SRC: variants seen among roughly 807,000 people sequenced by gnomAD.
SRC encodes the protein proto-oncogene tyrosine-protein kinase Src.
A neutral mutation model predicts 62.9 loss-of-function variants in SRC; 13 were observed. The observed-to-expected ratio is 0.21, with a 90% CI of 0.13 to 0.33. The LOEUF is 0.33. Ranked by LOEUF, SRC falls within the 10% of genes least tolerant of loss-of-function variation. The pLI, the probability that SRC is intolerant of heterozygous loss-of-function variation, is 1.00. For missense variants in SRC, 457 were observed against 737.3 expected, an observed-to-expected ratio of 0.62 and a Z score of 4.40; for synonymous variants, 302 against 317.5, an observed-to-expected ratio of 0.95 and a Z score of 0.52.
Position 37,384,163 on chromosome 20 carries a change from A to C in SRC, c.10A>C (p.Asn4His), listed in dbSNP as rs1320051629. 1 of 1,600,736 alleles carries C rather than the reference A, an allele frequency of 6.2e-7. No individual in the cohort carries two copies. Among genetic ancestry groups the C allele is most frequent in the Non-Finnish European group, 8.5e-7 (1 of 1,176,830 alleles). MGS[N>H]KSKPKDASQR... ...CTCTCCTGCCAGGACCATGGGTAGCAACAAGAGCAAGCCCAAGGATGCCAG... is the reference window on the plus strand; with the variant it reads ...CTCTCCTGCCAGGACCATGGGTAGCCACAAGAGCAAGCCCAAGGATGCCAG... The change falls in exon 4 of 14, where the codon AAC becomes CAC. Residue 4 changes from asparagine to histidine, a missense_variant. By Grantham distance (68) the Asn-to-His change is moderately conservative (BLOSUM62 1). Transcript: ENST00000373578. This position sits in a 1 kb window ranked among gnomAD's most constrained non-coding sequence, Gnocchi z 6.7.
intron 2 of SRC, among the ~76,000 whole-genome samples, chr20:37,373,449 A>G (rs2070228403): frequency 1.1e-5 from 1 of 94,912 alleles, no homozygotes; most frequent in Non-Finnish European, 1.9e-5. Context: ...ATATATACGC[A>G]TATATGCATA....
chr20:37,388,746 CA>C (rs576000442), intron 5 of SRC, among the ~76,000 whole-genome samples: 3 of 131,004 alleles, frequency 2.3e-5, no homozygotes, highest in Admixed American at 8.7e-5. Context: ...GACTCTGTCT[CA>C]AAAAAAAGAA....
intron 1 of SRC, among the ~76,000 whole-genome samples, chr20:37,356,941 G>C (rs894505135): frequency 3.9e-5 from 6 of 152,124 alleles, no homozygotes; most frequent in Admixed American, 2.6e-4. Flanking sequence ...CAAAAATGGG[G>C]GTCACACTAG....
At chr20:37,378,056 TA>T (rs2070303369) in intron 2 of SRC, among the ~76,000 whole-genome samples, 2 of 151,384 alleles carry the variant, frequency 1.3e-5, no homozygotes, top group Non-Finnish European at 2.9e-5. Flanking sequence ...TAGTTTTTTT[TA>T]AAATTATTAT....
At chr20:37,345,094 T>C (rs183346336), upstream of SRC, among the ~76,000 whole-genome samples, 175 of 152,284 alleles carry the variant, frequency 1.1e-3, 1 homozygote, top group African/African-American at 4.0e-3. Flanking sequence ...GCCCAGGGAA[T>C]AGAAGCCTGA....
rs991923273 is a variant in SRC at position 37,405,064 on chromosome 20, C to T, written c.*1685C>T. ...AGGCCCTGCCAGTGGGGAAGGAGGC[C>T]AAGCAGTGCCTGCCTATGAAATTTC... is the stretch of plus-strand genomic sequence containing the variant. On this transcript the variant is annotated 3_prime_UTR_variant, in exon 14 of 14. Coordinates refer to ENST00000373578, the MANE Select transcript of SRC (RefSeq NM_198291.3). 1 of 233,496 alleles carries T rather than the reference C, an allele frequency of 4.3e-6. No individual in the cohort carries two copies. The highest frequency in any genetic ancestry group is 2.2e-5 in the African/African-American group (1 of 45,398). The allele number at this position is 233,496 out of a possible 1,614,324, so 14.5% of individuals were successfully genotyped here.
Position 37,403,745 on chromosome 20 carries a change from C to T in SRC, c.*366C>T, listed in dbSNP as rs1270972794. ...GCCTACTCCGCTCACTGAACTCCTT[C>T]CCCACTTCTGTGCCACCCCCGGTCT... On this transcript the variant is annotated 3_prime_UTR_variant, in exon 14 of 14. Coordinates refer to ENST00000373578, the MANE Select transcript of SRC (RefSeq NM_198291.3). This position sits in a 1 kb window ranked among gnomAD's most constrained non-coding sequence, Gnocchi z 7.1. The T allele has an allele frequency of 6.2e-6, 2 of 320,276 alleles. No homozygotes were observed. Among genetic ancestry groups the T allele is most frequent in the Non-Finnish European group, 1.2e-5 (2 of 170,138 alleles). 19.8% of individuals were successfully genotyped at this position (320,276 alleles called of 1,614,324 possible).
At chr20:37,358,144 C>A (rs2052398654) in intron 1 of SRC, among the ~76,000 whole-genome samples, 1 of 152,318 alleles carries the variant, frequency 6.6e-6, no homozygotes, top group East Asian at 1.9e-4. Flanking sequence ...CAGTAACGGT[C>A]CCTACCCCAC....
At chr20:37,370,380 G>A (rs1463591123) in intron 2 of SRC, among the ~76,000 whole-genome samples, 1 of 152,188 alleles carries the variant, frequency 6.6e-6, no homozygotes, top group African/African-American at 2.4e-5. Flanking sequence ...TTCGAAACCA[G>A]CCTGGCCAAC....
intron 5 of SRC, among the ~76,000 whole-genome samples, chr20:37,389,647 C>T (rs913088123): frequency 6.6e-6 from 1 of 152,264 alleles, no homozygotes; most frequent in East Asian, 1.9e-4. Context: ...CCCAAGGGAG[C>T]GAATGTCAGT....
At chr20:37,364,521 G>A (rs540270946) in intron 1 of SRC, among the ~76,000 whole-genome samples, 8 of 152,126 alleles carry the variant, frequency 5.3e-5, no homozygotes, top group Non-Finnish European at 8.8e-5. Flanking sequence ...GACCCCTCTG[G>A]ACTTTCTCTT....
At chr20:37,352,078 A>T (rs917786806) in intron 1 of SRC, among the ~76,000 whole-genome samples, 9 of 152,204 alleles carry the variant, frequency 5.9e-5, no homozygotes, top group Admixed American at 5.9e-4. Flanking sequence ...CTTTGAAGCC[A>T]GTTGGTTCTG....
rs1481841703 is a variant in SRC at position 37,399,727 on chromosome 20, G to A, written c.860-388G>A. Among the ~76,000 whole-genome samples the A allele has an allele frequency of 3.3e-5, 5 of 152,078 alleles. No individual in the cohort carries two copies. In the East Asian group the frequency reaches 7.7e-4, roughly 23 times the overall value. On this transcript the variant is annotated intron_variant, in intron 9 of 13. Transcript: ENST00000373578. Reference sequence around the variant, plus strand: ...CACCTAGCTAATTTTTGTATTTTTAGTGGAGACAGGGTTTCACCATGTTGG... The same window carrying A: ...CACCTAGCTAATTTTTGTATTTTTAATGGAGACAGGGTTTCACCATGTTGG...
At position 37,397,403 on chromosome 20, in the gene SRC, C is replaced by T. The variant is rs1038169063; in HGVS notation, c.704-296C>T. On this transcript the variant is annotated intron_variant, in intron 8 of 13. Coordinates refer to ENST00000373578, the MANE Select transcript of SRC (RefSeq NM_198291.3). The surrounding 1 kb of genome is among the most constrained non-coding windows in gnomAD (Gnocchi z 4.1). ...TAGGGAAGTGGGGCTCCTCCCTGGACTCTGAGTTCCTGAGGGCAGGTTCCC... is the reference window on the plus strand; with the variant it reads ...TAGGGAAGTGGGGCTCCTCCCTGGATTCTGAGTTCCTGAGGGCAGGTTCCC... Among the ~76,000 whole-genome samples, 3 of 152,322 alleles carry T rather than the reference C, an allele frequency of 2.0e-5. No homozygotes were observed. Among genetic ancestry groups the T allele is most frequent in the African/African-American group, 7.2e-5 (3 of 41,570 alleles).
chr20:37,388,728 C>A (rs749158179), intron 5 of SRC, among the ~76,000 whole-genome samples: 6 of 149,750 alleles, frequency 4.0e-5, no homozygotes, highest in Non-Finnish European at 5.9e-5. Flanking sequence ...GCCTGGGTGA[C>A]AGAGCAAGAC....
chr20:37,346,740 C>T (rs573596388), intron 1 of SRC, among the ~76,000 whole-genome samples: 1 of 152,316 alleles, frequency 6.6e-6, no homozygotes, highest in South Asian at 2.1e-4. Flanking sequence ...ACTGCCAGGA[C>T]CTCCCTGCCC....
intron 1 of SRC, among the ~76,000 whole-genome samples, chr20:37,360,749 T>C (rs961608151): frequency 4.6e-5 from 7 of 152,340 alleles, no homozygotes; most frequent in Non-Finnish European, 1.0e-4. Flanking sequence ...CTCTTTTGAC[T>C]GATAGCAAAC....
chr20:37,373,146 A>G (rs938645294), intron 2 of SRC, among the ~76,000 whole-genome samples: 3 of 133,372 alleles, frequency 2.2e-5, no homozygotes, highest in African/African-American at 1.0e-4. Context: ...ACATATGTAC[A>G]TATACACACA....
At chr20:37,348,926 GT>G (rs1331243382) in intron 1 of SRC, among the ~76,000 whole-genome samples, 14 of 152,322 alleles carry the variant, frequency 9.2e-5, no homozygotes, top group African/African-American at 3.4e-4. Flanking sequence ...GTGCCAAGAC[GT>G]GCTGTCATGG....
Sources: allele counts gnomAD v4.1 joint callset (sites outside exome capture counted in the v4.1 genomes callset), GRCh38; gene constraint gnomAD v4.1.1; non-coding constraint Gnocchi (gnomAD v3.1); transcripts MANE v1.5; gene names NCBI Gene and HGNC (gene_info 2026-07-23, HGNC 2026-07-21).